CHST15: variants seen among roughly 807,000 people sequenced by gnomAD.
CHST15 encodes carbohydrate sulfotransferase 15.
CHST15 carries 30 observed loss-of-function variants against 53.6 expected under a neutral mutation model. The ratio of observed to expected loss-of-function variants is 0.56; its 90% CI spans 0.42 to 0.76. The LOEUF (loss-of-function observed/expected upper bound fraction) is 0.76, where lower values mean the gene tolerates loss of function less well. Among genes scored for constraint, CHST15 ranks in the 30% least tolerant of loss-of-function variants. The probability of loss-of-function intolerance (pLI) is 0.00; values close to 1 mark genes in which losing one functional copy is unlikely to be tolerated. For synonymous variants in CHST15, 296 were observed against 289.8 expected (o/e 1.02, Z -0.22); for missense variants, 627 against 740.5 (o/e 0.85, Z 1.78).
chr10:124,052,092 T>C (rs1431031294), intron 1 of CHST15, among the ~76,000 whole-genome samples: 1 of 152,220 alleles, frequency 6.6e-6, no homozygotes, highest in African/African-American at 2.4e-5. Flanking sequence ...GAAAAAAAAT[T>C]CAATGGGTCT....
intron 1 of CHST15, among the ~76,000 whole-genome samples, chr10:124,077,762 G>A (rs892188497): frequency 6.6e-6 from 1 of 152,168 alleles, no homozygotes; most frequent in African/African-American, 2.4e-5. Context: ...CACAATTAAT[G>A]CTGCCCATGA....
Position 124,010,288 on chromosome 10 carries a change from T to C in CHST15, c.1547A>G (p.Asn516Ser). The change falls in exon 8 of 8, where the codon AAT (asparagine) becomes AGT (serine). Residue 516 changes from asparagine to serine, a missense_variant. By Grantham distance (46) the Asn-to-Ser change is conservative. This residue lies in a region of CHST15 where 279 missense variants were observed against 371.6 expected (regional missense o/e 0.75). Transcript: ENST00000435907. The part of the protein sequence containing the change: ...EALMTKSPAS[N>S]ARRPEDRNLG... ...GTTCCGGTCCTCGGGACGCCGTGCA[T>C]TGGATGCGGGGCTCTTGGTCATCAA... 4 of 1,613,276 alleles carry C rather than the reference T, an allele frequency of 2.5e-6. No homozygotes were observed. Among genetic ancestry groups the C allele is most frequent in the Non-Finnish European group, 3.4e-6 (4 of 1,179,520 alleles).
rs1297604233 is a variant in CHST15, at chr10:124,016,817, T to C, written c.1348-4337A>G. ...AGGGGCTGGCAGTAATGAACAAAGG[T>C]TAGATCCCTTTCACCTCTCACAGAT... On this transcript the variant is annotated intron_variant, in intron 6 of 7. Transcript: ENST00000435907. 2.6e-5 allele frequency among the ~76,000 whole-genome samples: 4 copies of C among 152,144 alleles called. 1 individual carries two copies. The highest frequency in any genetic ancestry group is 4.1e-4 in the South Asian group (2 of 4,822).
intron 1 of CHST15, among the ~76,000 whole-genome samples, chr10:124,062,502 G>A (rs1948612869): frequency 6.6e-6 from 1 of 152,162 alleles, no homozygotes; most frequent in Non-Finnish European, 1.5e-5. Flanking sequence ...GTAGCAGGGA[G>A]ATTAACGGCA....
chr10:124,048,093 A>G (rs1291253762), intron 1 of CHST15, among the ~76,000 whole-genome samples: 1 of 152,236 alleles, frequency 6.6e-6, no homozygotes, highest in Non-Finnish European at 1.5e-5. Context: ...TTCTCAAAAT[A>G]TGGTGGCCAA....
At chr10:124,014,745 C>T (rs1159551074) in intron 6 of CHST15, among the ~76,000 whole-genome samples, 5 of 152,220 alleles carry the variant, frequency 3.3e-5, no homozygotes, top group African/African-American at 1.2e-4. Flanking sequence ...AGAAGGAAAG[C>T]AGCCAGGTGT....
chr10:124,030,387 G>A (rs1228915362), intron 5 of CHST15, among the ~76,000 whole-genome samples: 1 of 152,196 alleles, frequency 6.6e-6, no homozygotes, highest in Non-Finnish European at 1.5e-5. Flanking sequence ...GAATCAATAG[G>A]CAGCTTCAAT....
chr10:124,042,154 A>G, intron 4 of CHST15, 147 bp downstream of exon 4: 2 of 670,554 alleles, frequency 3.0e-6, no homozygotes, highest in Non-Finnish European at 5.1e-6. Context: ...TAAGAGTGAC[A>G]GCCAGGTGGA....
rs750368427 is a variant in CHST15, at chr10:124,044,859, C to T, written c.607G>A (p.Glu203Lys). Residue 203 changes from glutamate to lysine, a missense_variant, in exon 3 of 8, where the codon GAG becomes AAG. This residue lies in a region of CHST15 where 161 missense variants were observed against 117.2 expected (regional missense o/e 1.37). Transcript: ENST00000435907. The part of the protein sequence containing the change: ...PNSKSPCWYE[E>K]FSGQNTTDPY... ...TCGGTGGTGTTCTGCCCCGAGAACTCCTCGTACCAACAGGGGCTCTTACTG... is the reference window on the plus strand; with the variant it reads ...TCGGTGGTGTTCTGCCCCGAGAACTTCTCGTACCAACAGGGGCTCTTACTG... 1.3e-6 allele frequency: 2 copies of T among 1,489,996 alleles called. No homozygotes were observed. The highest frequency in any genetic ancestry group is 5.0e-5 in the East Asian group (2 of 39,686). The allele number at this position is 1,489,996 out of a possible 1,614,324, so 92.3% of individuals were successfully genotyped here.
chr10:124,073,192 C>T (rs571247446), intron 1 of CHST15, among the ~76,000 whole-genome samples: 2 of 152,336 alleles, frequency 1.3e-5, no homozygotes, highest in Admixed American at 1.3e-4. Flanking sequence ...GGGCCAAAAA[C>T]TGGAAATCAC....
intron 1 of CHST15, among the ~76,000 whole-genome samples, chr10:124,083,325 A>G (rs543273801): frequency 1.0e-3 from 157 of 152,292 alleles, no homozygotes; most frequent in African/African-American, 3.6e-3. Context: ...GCATTTTTCT[A>G]TCGACTTATT....
At position 124,019,946 on chromosome 10, in the gene CHST15, C is replaced by T; in HGVS notation, c.1347+1310G>A. The T allele has an allele frequency of 3.0e-6, 3 of 985,874 alleles. No individual in the cohort carries two copies. The highest frequency in any genetic ancestry group is 3.6e-6 in the Non-Finnish European group (3 of 830,246). 61.1% of individuals were successfully genotyped at this position (985,874 alleles called of 1,614,324 possible). ...CTCTGCACACGCTGCTCTCAGTTCC[C>T]TGGCCAACTCTCCTTCAGGCCTCAG... is the stretch of plus-strand genomic sequence containing the variant. On this transcript the variant is annotated intron_variant, in intron 6 of 7. Coordinates refer to ENST00000435907, the MANE Select transcript of CHST15 (RefSeq NM_001270764.2). This position sits in a 1 kb window ranked among gnomAD's most constrained non-coding sequence, Gnocchi z 4.6.
In CHST15 at chr10:124,012,432, T is replaced by C; in HGVS notation, c.1396A>G (p.Ser466Gly). The C allele has an allele frequency of 6.2e-7, 1 of 1,614,168 alleles. No individual in the cohort carries two copies. The highest frequency in any genetic ancestry group is 8.5e-7 in the Non-Finnish European group (1 of 1,180,042). The change falls in exon 7 of 8, where the codon AGC (serine) becomes GGC (glycine). Residue 466 changes from serine to glycine, a missense_variant. Transcript: ENST00000435907. ...AGAAACTGTTGCTTGTCAAAAACGCTGAGCCAGTCCAGAAGGTACACAGCA... is the reference window on the plus strand; with the variant it reads ...AGAAACTGTTGCTTGTCAAAAACGCCGAGCCAGTCCAGAAGGTACACAGCA... Reference protein sequence around the residue: ...LYAVYLLDWLSVFDKQQFLIL... With the variant: ...LYAVYLLDWLGVFDKQQFLIL...
intron 2 of CHST15, among the ~76,000 whole-genome samples, chr10:124,045,263 T>C (rs936163400): frequency 3.0e-4 from 46 of 152,260 alleles, no homozygotes; most frequent in African/African-American, 1.0e-3. Context: ...TTACTAGTTG[T>C]ATATTTAAAT....
chr10:124,028,781 G>A (rs1014990778), intron 5 of CHST15, among the ~76,000 whole-genome samples: 6 of 152,214 alleles, frequency 3.9e-5, no homozygotes, highest in Admixed American at 2.0e-4. Context: ...TTCTCAGAGG[G>A]CCACCTTTGA....
chr10:124,026,303 G>C (rs1171927067), intron 5 of CHST15, among the ~76,000 whole-genome samples: 3 of 152,284 alleles, frequency 2.0e-5, no homozygotes, highest in Admixed American at 1.3e-4. Flanking sequence ...TGCTTCCTAA[G>C]ATTGTCTTCA....
rs796732464 is a variant in CHST15 at position 124,093,574 on chromosome 10, C to A, written c.-618G>T. 1 of 152,266 alleles carries A rather than the reference C, an allele frequency of 6.6e-6. No homozygotes were observed. The highest frequency in any genetic ancestry group is 1.5e-5 in the Non-Finnish European group (1 of 68,080). The allele number at this position is 152,266 out of a possible 1,614,324, so 9.4% of individuals were successfully genotyped here. On this transcript the variant is annotated 5_prime_UTR_variant, in exon 1 of 8. Coordinates refer to ENST00000435907, the MANE Select transcript of CHST15 (RefSeq NM_001270764.2). ...GCATCCAGGGCGCGTCAACCTGACT[C>A]CCCGAGCGCTGGGAGGAAAAGTTTG... is the stretch of plus-strand genomic sequence containing the variant.
intron 1 of CHST15, among the ~76,000 whole-genome samples, 167 bp from the exon 2 acceptor site, chr10:124,046,891 G>A (rs1437207292): frequency 6.6e-6 from 1 of 152,156 alleles, no homozygotes; most frequent in Non-Finnish European, 1.5e-5. Flanking sequence ...AAAGGAAGAG[G>A]TTTCAGGTTC....
At chr10:124,089,098 C>T (rs570842322) in intron 1 of CHST15, among the ~76,000 whole-genome samples, 2 of 152,202 alleles carry the variant, frequency 1.3e-5, no homozygotes, top group Non-Finnish European at 2.9e-5. Flanking sequence ...ACATGATCTC[C>T]TCATTCACAG....
Sources: gnomAD v4.1 joint callset for allele counts (sites outside exome capture counted in the v4.1 genomes callset) on GRCh38, gnomAD v4.1.1 for gene constraint, gnomAD v4.1.1 regional missense constraint, Gnocchi (gnomAD v3.1) non-coding constraint, MANE v1.5 for transcripts, NCBI Gene and HGNC (gene_info 2026-07-23, HGNC 2026-07-21) for gene names.